Variants in CACNA1C observed in about 807,000 individuals in gnomAD.
CACNA1C encodes the protein calcium voltage-gated channel subunit alpha1 C.
In CACNA1C, 30 loss-of-function variants were observed where a neutral mutation model predicts 229.0. That is an observed-to-expected ratio of 0.13 (90% CI 0.10 to 0.18). The LOEUF (loss-of-function observed/expected upper bound fraction) is 0.18, where lower values mean the gene tolerates loss of function less well. Ranked by LOEUF, CACNA1C falls within the 10% of genes least tolerant of loss-of-function variation. The pLI, the probability that CACNA1C is intolerant of heterozygous loss-of-function variation, is 1.00. For missense variants in CACNA1C, 1,658 were observed against 2,845.0 expected (o/e 0.58, Z 9.49); for synonymous variants, 1,114 against 1,132.5 (o/e 0.98, Z 0.33).
intron 8 of CACNA1C, among the ~76,000 whole-genome samples, chr12:2,508,256 A>G (rs1176156436): frequency 3.9e-5 from 6 of 152,242 alleles, no homozygotes; most frequent in Non-Finnish European, 8.8e-5. Flanking sequence ...ACTCATCCTC[A>G]TAAATTATGT....
At chr12:2,681,728 C>T (rs1326813089) in intron 42 of CACNA1C, among the ~76,000 whole-genome samples, 2 of 152,178 alleles carry the variant, frequency 1.3e-5, no homozygotes, top group Non-Finnish European at 2.9e-5. Context: ...ATTGCTTCTA[C>T]CCTGCCTGGG....
intron 3 of CACNA1C, among the ~76,000 whole-genome samples, chr12:2,414,457 G>C (rs1294111833): frequency 6.6e-6 from 1 of 152,156 alleles, no homozygotes; most frequent in South Asian, 2.1e-4. Context: ...CCTGTGCTTA[G>C]TGGGAACAGA....
At chr12:2,081,630 T>A (rs556324798) in intron 1 of CACNA1C, among the ~76,000 whole-genome samples, 1 of 152,102 alleles carries the variant, frequency 6.6e-6, no homozygotes, top group African/African-American at 2.4e-5. Context: ...ACCTCTAAAG[T>A]GATCTGTGCT....
intron 2 of CACNA1C, among the ~76,000 whole-genome samples, chr12:2,117,141 C>CA (rs1053616787): frequency 2.0e-5 from 3 of 152,158 alleles, no homozygotes; most frequent in Non-Finnish European, 4.4e-5. Context: ...CGTTGGGGCA[C>CA]ATGCCAGTAA....
At chr12:2,267,364 G>A (rs1048862971) in intron 3 of CACNA1C, among the ~76,000 whole-genome samples, 8 of 152,186 alleles carry the variant, frequency 5.3e-5, no homozygotes, top group Admixed American at 1.3e-4. Flanking sequence ...GAGGTTAAGT[G>A]CTGTGCCCTA....
rs34534613 is a variant in CACNA1C at position 2,115,283 on chromosome 12, G to A, written c.109G>A (p.Gly37Arg). ...CAACATGAATGCCAATGCGGCAGCG[G>A]GGCTGGCCCCTGAGCACATCCCCAC... is the stretch of plus-strand genomic sequence containing the variant. Reference protein sequence around the residue: ...HANMNANAAAGLAPEHIPTPG... With the variant: ...HANMNANAAARLAPEHIPTPG... The change falls in exon 2 of 47, where the codon GGG becomes AGG. Residue 37 changes from glycine (G) to arginine (R), a missense_variant. Transcript: ENST00000399655. 6,310 of 1,592,144 alleles carry A rather than the reference G, an allele frequency of 4.0e-3. 24 individuals carry two copies. Among genetic ancestry groups the A allele is most frequent in the Non-Finnish European group, 4.5e-3 (5,293 of 1,170,148 alleles).
At chr12:2,426,870 G>C (rs75907886) in intron 3 of CACNA1C, among the ~76,000 whole-genome samples, 13,616 of 152,228 alleles carry the variant, frequency 0.089, 753 homozygotes, top group African/African-American at 0.14. Context: ...TGGAAGAAAA[G>C]TTCTCAGTGT....
intron 9 of CACNA1C, among the ~76,000 whole-genome samples, chr12:2,535,460 AGGGCGAGG>A (rs2099851199): frequency 6.6e-6 from 1 of 151,546 alleles, no homozygotes; most frequent in Admixed American, 6.6e-5. Context: ...GCACTTTGGG[AGGGCGAGG>A]TGGGATGATC....
Position 2,215,705 on chromosome 12 carries a change from G to A in CACNA1C, c.477+95275G>A, listed in dbSNP as rs1187438826. Among the ~76,000 whole-genome samples, 1 of 152,218 alleles carries A rather than the reference G, an allele frequency of 6.6e-6. No homozygotes were observed. The highest frequency in any genetic ancestry group is 1.5e-5 in the Non-Finnish European group (1 of 68,030). On this transcript the variant is annotated intron_variant, in intron 3 of 46. Transcript: ENST00000399655. The surrounding 1 kb of genome is among the most constrained non-coding windows in gnomAD (Gnocchi z 5.0). Reference sequence around the variant, plus strand: ...GAAGGACCATGTTCTCTCCCAAACAGGCCAGTCCTTGGAGCTGCTGCCATG... The same window carrying A: ...GAAGGACCATGTTCTCTCCCAAACAAGCCAGTCCTTGGAGCTGCTGCCATG...
intron 1 of CACNA1C, among the ~76,000 whole-genome samples, chr12:2,103,829 A>G (rs536194721): frequency 1.3e-5 from 2 of 152,354 alleles, no homozygotes; most frequent in African/African-American, 2.4e-5. Flanking sequence ...TTTATTAAAT[A>G]GGGAATCCTT....
In CACNA1C at chr12:2,441,262, G is replaced by A. The variant is rs374604190; in HGVS notation, c.478-7714G>A. Among the ~76,000 whole-genome samples, 5 of 152,316 alleles carry A rather than the reference G, an allele frequency of 3.3e-5. No homozygotes were observed. In the East Asian group the frequency reaches 7.7e-4, roughly 23 times the overall value. On this transcript the variant is annotated intron_variant, in intron 3 of 46. Transcript: ENST00000399655. ...ACCCTGGGTCTGTCACCTAGTGGAT[G>A]TAGCCACACAGTGTTCAGCACAGGT...
At position 2,585,591 on chromosome 12, in the gene CACNA1C, G is replaced by A. The variant is rs1376871895; in HGVS notation, c.2460+95G>A. On this transcript the variant is annotated intron_variant, in intron 17 of 46. Transcript: ENST00000399655. The surrounding 1 kb of genome is among the most constrained non-coding windows in gnomAD (Gnocchi z 4.1). ...CCAGAACCCTGTGGAGAAGAGGAGAGAAAGAAAGACACCCAGTGGAAAGAA... is the reference window on the plus strand; with the variant it reads ...CCAGAACCCTGTGGAGAAGAGGAGAAAAAGAAAGACACCCAGTGGAAAGAA... 11 of 1,394,298 alleles carry A rather than the reference G, an allele frequency of 7.9e-6. No homozygotes were observed. Among genetic ancestry groups the A allele is most frequent in the Non-Finnish European group, 1.1e-5 (11 of 1,043,160 alleles). The allele number at this position is 1,394,298 out of a possible 1,614,324, so 86.4% of individuals were successfully genotyped here.
intron 1 of CACNA1C, among the ~76,000 whole-genome samples, chr12:2,057,991 A>G (rs543937571): frequency 7.2e-5 from 11 of 152,344 alleles, no homozygotes; most frequent in South Asian, 4.1e-4. Flanking sequence ...ATTTCCGTTT[A>G]TGAGTCTGCC....
intron 3 of CACNA1C, among the ~76,000 whole-genome samples, chr12:2,140,018 C>G (rs940491818): frequency 4.6e-5 from 7 of 151,316 alleles, no homozygotes; most frequent in African/African-American, 1.7e-4. Context: ...ACAGGATGAG[C>G]AGCTCTTGGT....
At chr12:2,092,724 T>C (rs2071794932) in intron 1 of CACNA1C, among the ~76,000 whole-genome samples, 1 of 152,214 alleles carries the variant, frequency 6.6e-6, no homozygotes, top group Admixed American at 6.5e-5. Flanking sequence ...TTAGTATTAA[T>C]GCACCCTATT....
At chr12:1,973,547 C>A (rs2033230898) in intron 1 of CACNA1C, among the ~76,000 whole-genome samples, 4 of 152,092 alleles carry the variant, frequency 2.6e-5, no homozygotes, top group Admixed American at 2.6e-4. Flanking sequence ...ATAATGGATT[C>A]ATGTTATATC....
rs1349645609 is a variant in CACNA1C at position 2,691,364 on chromosome 12, G to A, written c.*165G>A. ...AGCCTGGGTGCGCGAGCCGCCCTCCGGGAGGAAGGCGCCCGGCTGCGTCTG... is the reference window on the plus strand; with the variant it reads ...AGCCTGGGTGCGCGAGCCGCCCTCCAGGAGGAAGGCGCCCGGCTGCGTCTG... On this transcript the variant is annotated 3_prime_UTR_variant, in exon 47 of 47. Transcript: ENST00000399655. The A allele has an allele frequency of 1.1e-5, 8 of 715,548 alleles. 1 individual carries two copies. The Admixed American group carries it at 2.8e-4, about 25-fold the overall frequency. The allele number at this position is 715,548 out of a possible 1,614,324, so 44.3% of individuals were successfully genotyped here. A position where few individuals can be genotyped will look rare whatever the true frequency, so the allele number is the denominator to read the frequency against.
rs1451633504 is a variant in CACNA1C at position 2,693,735 on chromosome 12, T to C, written c.*2536T>C. 6.6e-6 allele frequency: 1 copy of C among 152,228 alleles called. No individual in the cohort carries two copies. Among genetic ancestry groups the C allele is most frequent in the Non-Finnish European group, 1.5e-5 (1 of 68,064 alleles). The allele number at this position is 152,228 out of a possible 1,614,324, so 9.4% of individuals were successfully genotyped here. On this transcript the variant is annotated 3_prime_UTR_variant, in exon 47 of 47. Coordinates refer to ENST00000399655, the MANE Select transcript of CACNA1C (RefSeq NM_000719.7). ...ACATCACTCTTTTGGTGCTGTGTCC[T>C]TCAAATGTATGTCAACAGTGGTGGC...
chr12:2,682,813 C>T (rs1246631156), intron 43 of CACNA1C, 135 bp downstream of exon 43: 4 of 792,172 alleles, frequency 5.0e-6, no homozygotes, highest in Middle Eastern at 4.0e-4. Flanking sequence ...ACATCTGCAC[C>T]GCCTCTTTCA....
Sources: allele counts gnomAD v4.1 joint callset (sites outside exome capture counted in the v4.1 genomes callset), GRCh38; gene constraint gnomAD v4.1.1; non-coding constraint Gnocchi (gnomAD v3.1); transcripts MANE v1.5; gene names NCBI Gene and HGNC (gene_info 2026-07-23, HGNC 2026-07-21).